The following NFKB1 variants were observed in gnomAD, a reference collection of about 807,000 sequenced individuals.
The protein encoded by NFKB1 is nuclear factor NF-kappa-B p105 subunit.
Under a neutral mutation model 105.1 loss-of-function variants are expected in NFKB1, and 9 were observed. The observed-to-expected ratio is 0.09, with a 90% CI of 0.05 to 0.15. The LOEUF (loss-of-function observed/expected upper bound fraction) is 0.15, where lower values mean the gene tolerates loss of function less well. Ranked by LOEUF, NFKB1 falls within the 10% of genes least tolerant of loss-of-function variation. The pLI, the probability that NFKB1 is intolerant of heterozygous loss-of-function variation, is 1.00. For synonymous variants in NFKB1, 440 were observed against 442.2 expected, an observed-to-expected ratio of 1.00 and a Z score of 0.06; for missense variants, 830 against 1,203.7, an observed-to-expected ratio of 0.69 and a Z score of 4.59.
intron 9 of NFKB1, 58 bp downstream of exon 9, chr4:102,580,697 C>T: frequency 7.6e-7 from 1 of 1,313,826 alleles, no homozygotes; most frequent in Non-Finnish European, 1.1e-6. Flanking sequence ...CACTACAGTT[C>T]TGAGTGTGTC....
At chr4:102,563,445 TA>T (rs145755272) in intron 5 of NFKB1, among the ~76,000 whole-genome samples, 17 of 149,126 alleles carry the variant, frequency 1.1e-4, no homozygotes, top group East Asian at 7.8e-4. Flanking sequence ...AGATAGTACT[TA>T]AAAAAAAAAC....
chr4:102,543,506 A>G (rs566912224), intron 5 of NFKB1, among the ~76,000 whole-genome samples: 1 of 151,956 alleles, frequency 6.6e-6, no homozygotes, highest in Non-Finnish European at 1.5e-5. Flanking sequence ...TGGTTCTCAC[A>G]TATGTTGTCT....
intron 1 of NFKB1, among the ~76,000 whole-genome samples, chr4:102,514,092 G>A (rs1739963715): frequency 6.6e-6 from 1 of 151,686 alleles, no homozygotes; most frequent in African/African-American, 2.4e-5. Context: ...GGAGAACAGC[G>A]TGAACCCAGG....
intron 2 of NFKB1, among the ~76,000 whole-genome samples, chr4:102,526,036 A>G (rs1740888771): frequency 6.6e-6 from 1 of 151,912 alleles, no homozygotes; most frequent in African/African-American, 2.4e-5. Context: ...CTCCATTGTC[A>G]CGTGCGCTTC....
intron 5 of NFKB1, among the ~76,000 whole-genome samples, chr4:102,546,924 C>G (rs1236063481): frequency 6.6e-6 from 1 of 152,098 alleles, no homozygotes; most frequent in Non-Finnish European, 1.5e-5. Context: ...AGTGTATGCT[C>G]CCTGAATAGA....
intron 4 of NFKB1, 160 bp from the exon 5 acceptor site, chr4:102,537,698 G>T: frequency 2.0e-6 from 1 of 504,478 alleles, no homozygotes; most frequent in South Asian, 2.7e-5. Flanking sequence ...GTAAGATTAC[G>T]GGAAAAGTGA....
At chr4:102,605,672 G>A (rs1017246801) in intron 16 of NFKB1, among the ~76,000 whole-genome samples, 2 of 152,136 alleles carry the variant, frequency 1.3e-5, no homozygotes, top group African/African-American at 4.8e-5. Context: ...ATAGTCAAAT[G>A]GACTATTTAA....
chr4:102,541,864 C>G (rs1055634061), intron 5 of NFKB1, among the ~76,000 whole-genome samples: 10 of 152,124 alleles, frequency 6.6e-5, no homozygotes, highest in Admixed American at 4.6e-4. Context: ...AACCTCACAC[C>G]CTGTCTTCCT....
intron 5 of NFKB1, among the ~76,000 whole-genome samples, chr4:102,558,563 T>G (rs570748293): frequency 6.6e-6 from 1 of 152,338 alleles, no homozygotes; most frequent in South Asian, 2.1e-4. Context: ...CATTCATTAG[T>G]GTATTAATTA....
intron 3 of NFKB1, among the ~76,000 whole-genome samples, chr4:102,530,405 A>C (rs901861444): frequency 6.6e-6 from 1 of 152,130 alleles, no homozygotes; most frequent in Non-Finnish European, 1.5e-5. Flanking sequence ...TAAAACTCAT[A>C]ATCCTTCCTT....
In NFKB1 at chr4:102,575,217, T is replaced by TA. The variant is rs1724719609; in HGVS notation, c.408-1659_408-1658insA. On this transcript the variant is annotated intron_variant, in intron 6 of 23. Transcript: ENST00000226574. ...GAGATCTCTGCCTTCAAGGAGCTTA[T>TA]TTTCTAGTGGTATATTTTCTGTTCT... Among the ~76,000 whole-genome samples, 10 of 152,324 alleles carry TA rather than the reference T, an allele frequency of 6.6e-5. 1 individual carries two copies. In the South Asian group the frequency reaches 2.1e-3, roughly 32 times the overall value.
At chr4:102,568,021 C>G (rs1237409912) in intron 6 of NFKB1, among the ~76,000 whole-genome samples, 1 of 151,936 alleles carries the variant, frequency 6.6e-6, no homozygotes, top group Non-Finnish European at 1.5e-5. Flanking sequence ...GTTTTCTAAT[C>G]CTGGTTTAAA....
chr4:102,559,952 A>G (rs1016630831), intron 5 of NFKB1, among the ~76,000 whole-genome samples: 77 of 150,014 alleles, frequency 5.1e-4, no homozygotes, highest in Non-Finnish European at 6.9e-4. Context: ...AAAAAAAAAA[A>G]AAAGAAAGAA....
chr4:102,600,791 T>A, intron 15 of NFKB1, 104 bp from the exon 16 acceptor site: 1 of 743,930 alleles, frequency 1.3e-6, no homozygotes, highest in Non-Finnish European at 2.4e-6. Context: ...CAAATAAAAC[T>A]AGGTATGAGA....
At chr4:102,543,887 C>T (rs563705715) in intron 5 of NFKB1, among the ~76,000 whole-genome samples, 3 of 152,230 alleles carry the variant, frequency 2.0e-5, no homozygotes, top group African/African-American at 7.2e-5. Context: ...GAACCTAGTT[C>T]ATATCATTTA....
intron 5 of NFKB1, among the ~76,000 whole-genome samples, chr4:102,559,198 T>C (rs1198054596): frequency 6.6e-6 from 1 of 152,202 alleles, no homozygotes; most frequent in Non-Finnish European, 1.5e-5. Flanking sequence ...TCAGATAGCC[T>C]AGGGCCTTGT....
At chr4:102,533,309 T>C (rs996894111) in intron 3 of NFKB1, among the ~76,000 whole-genome samples, 6 of 151,938 alleles carry the variant, frequency 3.9e-5, no homozygotes, top group Non-Finnish European at 7.4e-5. Flanking sequence ...GAAAACCTAG[T>C]GTAAGGAAAA....
rs143749616 is a variant in NFKB1 at position 102,598,071 on chromosome 4, G to A, written c.1637+410G>A. 6.5e-3 allele frequency among the ~76,000 whole-genome samples: 983 copies of A among 152,314 alleles called. 7 individuals are homozygous for A. The highest frequency in any genetic ancestry group is 0.021 in the African/African-American group (889 of 41,550). On this transcript the variant is annotated intron_variant, in intron 15 of 23. Transcript: ENST00000226574. ...CTCAAGAAAAAGCCCAATAAAGGCAGCAACAACAACAGAAAGATTAAGAGG... is the reference window on the plus strand; with the variant it reads ...CTCAAGAAAAAGCCCAATAAAGGCAACAACAACAACAGAAAGATTAAGAGG...
rs4648044 is a variant in NFKB1, at chr4:102,587,486, C to T, written c.1066+2666C>T. Among the ~76,000 whole-genome samples, 151 of 151,944 alleles carry T rather than the reference C, an allele frequency of 9.9e-4. 6 individuals carry two copies. In the East Asian group the frequency reaches 0.025, roughly 26 times the overall value. ...ATCTAGGCTGCCTGTCTCCCTTTCC[C>T]AGTGGTATCTATGCCTCAGAAAAGT... On this transcript the variant is annotated intron_variant, in intron 11 of 23. Coordinates refer to ENST00000226574, the MANE Select transcript of NFKB1 (RefSeq NM_003998.4).
Sources: gnomAD v4.1 joint callset for allele counts (sites outside exome capture counted in the v4.1 genomes callset) on GRCh38, gnomAD v4.1.1 for gene constraint, MANE v1.5 for transcripts, NCBI Gene and HGNC (gene_info 2026-07-23, HGNC 2026-07-21) for gene names.